The following RCBTB2 variants were observed in gnomAD, a reference collection of about 807,000 sequenced individuals.
RCBTB2 encodes the protein RCC1 and BTB domain containing protein 2, also known as RCC1 and BTB domain-containing protein 2.
Under a neutral mutation model 65.4 loss-of-function variants are expected in RCBTB2, and 55 were observed. That is an observed-to-expected ratio of 0.84 (90% CI 0.68 to 1.05). RCBTB2 has a LOEUF of 1.05. RCBTB2 is among the 50% of genes least tolerant of loss of function. The pLI is 0.00. For synonymous variants in RCBTB2, 220 were observed against 255.2 expected, an observed-to-expected ratio of 0.86 and a Z score of 1.31; for missense variants, 599 against 680.1, an observed-to-expected ratio of 0.88 and a Z score of 1.33.
In RCBTB2 at chr13:48,499,786, G is replaced by T. The variant is rs764787521; in HGVS notation, c.1245-26C>A. The T allele has an allele frequency of 3.7e-6, 6 of 1,613,616 alleles. No individual in the cohort carries two copies. In the South Asian group the frequency reaches 5.5e-5, roughly 15 times the overall value. On this transcript the variant is annotated intron_variant, in intron 12 of 14. Transcript: ENST00000344532. ...CTGAAGGAAAAAAGCAGTATGTCAG[G>T]TCCTAGCTTCCCAGCCAGGACAGAT...
At chr13:48,500,265 AAG>A (rs1950173397) in intron 12 of RCBTB2, among the ~76,000 whole-genome samples, 1 of 152,218 alleles carries the variant, frequency 6.6e-6, no homozygotes. Context: ...TCTTTATAAA[AAG>A]GGGAAATTTG....
rs746580633 is a variant in RCBTB2 at position 48,511,836 on chromosome 13, G to A, written c.717C>T (p.Leu239=). 1.7e-5 allele frequency: 27 copies of A among 1,614,042 alleles called. No homozygotes were observed. Among genetic ancestry groups the A allele is most frequent in the Middle Eastern group, 1.6e-4 (1 of 6,082 alleles). The change falls in exon 9 of 15, where the codon CTC becomes CTT. Residue 239 remains leucine, a synonymous_variant. Coordinates refer to ENST00000344532, the MANE Select transcript of RCBTB2 (RefSeq NM_001268.4). The part of the protein sequence containing the change: ...WGYNGNGQLG[L]GNSGNQPTPC... ...GGGTTGGCTGGTTGCCACTGTTGCC[G>A]AGTCCAAGCTGCCCGTTTCCGTTGT...
chr13:48,526,366 T>C (rs1951733751), intron 1 of RCBTB2, among the ~76,000 whole-genome samples: 1 of 151,860 alleles, frequency 6.6e-6, no homozygotes. Flanking sequence ...GAAGACACCG[T>C]CTCTACAGAA....
In RCBTB2 at chr13:48,508,412, G is replaced by GTTTTTTTTTT. The variant is rs570095675; in HGVS notation, c.926+2207_926+2216dup. Among the ~76,000 whole-genome samples, 1,130 of 143,528 alleles carry GTTTTTTTTTT rather than the reference G, an allele frequency of 7.9e-3. 8 individuals carry two copies. The highest frequency in any genetic ancestry group is 0.028 in the African/African-American group (1,097 of 39,062). The allele number at this position is 143,528 out of a possible 152,430, so 94.2% of individuals were successfully genotyped here. ...CATCTCATTTAAAACATTCATCCAT[G>GTTTTTTTTTT]TTTTTTTTTTTTTTGAGACAGAGTC... On this transcript the variant is annotated intron_variant, in intron 10 of 14. Transcript: ENST00000344532.
chr13:48,526,733 T>G (rs1223614042), intron 1 of RCBTB2, among the ~76,000 whole-genome samples: 5 of 148,576 alleles, frequency 3.4e-5, no homozygotes, highest in Admixed American at 1.3e-4. Flanking sequence ...CTGGCCAACA[T>G]GGTGAAACCC....
Position 48,515,284 on chromosome 13 carries a change from C to T in RCBTB2, c.270G>A (p.Arg90=), listed in dbSNP as rs1164930123. The T allele has an allele frequency of 6.2e-7, 1 of 1,614,010 alleles. No homozygotes were observed. Among genetic ancestry groups the T allele is most frequent in the Non-Finnish European group, 8.5e-7 (1 of 1,180,004 alleles). Residue 90 remains arginine (R), a synonymous_variant, in exon 6 of 15, where the codon CGG becomes CGA. Transcript: ENST00000344532. ...TTTTGCCATTTAAAGAATCCAGTCT[C>T]CGAGGTTCAATGGTGCTCTGGACGT... ...LGDVQSTIEP[R]RLDSLNGKKI...
chr13:48,515,105 CA>C, intron 6 of RCBTB2, 99 bp downstream of exon 6: 1 of 1,106,186 alleles, frequency 9.0e-7, no homozygotes. Flanking sequence ...AAAACATAGT[CA>C]ATTTCACAGG....
Position 48,489,139 on chromosome 13 carries a change from A to G in RCBTB2, c.*972T>C, listed in dbSNP as rs192258598. 13 of 152,336 alleles carry G rather than the reference A, an allele frequency of 8.5e-5. No individual in the cohort carries two copies. Among genetic ancestry groups the G allele is most frequent in the African/African-American group, 3.1e-4 (13 of 41,572 alleles). 9.4% of individuals were successfully genotyped at this position (152,336 alleles called of 1,614,324 possible). A position where few individuals can be genotyped will look rare whatever the true frequency, so the allele number is the denominator to read the frequency against. On this transcript the variant is annotated 3_prime_UTR_variant, in exon 15 of 15. Transcript: ENST00000344532. ...GCAATTAGGTAATTTGTTTTGATCT[A>G]AAAAGTACAAATTTATCTCATTCTT...
intron 7 of RCBTB2, among the ~76,000 whole-genome samples, chr13:48,512,420 A>T (rs1158451763): frequency 1.3e-5 from 2 of 152,188 alleles, no homozygotes; most frequent in African/African-American, 4.8e-5. Context: ...AATGTAACAC[A>T]AAAGTATCTA....
chr13:48,514,301 G>A (rs1414680270), intron 6 of RCBTB2, among the ~76,000 whole-genome samples: 1 of 152,212 alleles, frequency 6.6e-6, no homozygotes, highest in Non-Finnish European at 1.5e-5. Flanking sequence ...TGGACAAAGG[G>A]ATGGTTCATG....
At chr13:48,517,924 C>T (rs1277251224) in intron 4 of RCBTB2, among the ~76,000 whole-genome samples, 1 of 152,038 alleles carries the variant, frequency 6.6e-6, no homozygotes, top group Admixed American at 6.5e-5. Flanking sequence ...CGTCCAATGA[C>T]TAGTCTCCTT....
chr13:48,528,263 A>G (rs773563239), intron 1 of RCBTB2, among the ~76,000 whole-genome samples: 1 of 152,162 alleles, frequency 6.6e-6, no homozygotes, highest in African/African-American at 2.4e-5. Context: ...AATGCTAATA[A>G]TTCTTCTTTA....
At chr13:48,527,416 T>C (rs1951867737) in intron 1 of RCBTB2, among the ~76,000 whole-genome samples, 1 of 147,650 alleles carries the variant, frequency 6.8e-6, no homozygotes, top group Non-Finnish European at 1.5e-5. Context: ...CTTTGTTCTT[T>C]GCAAAACAGT....
In RCBTB2 at chr13:48,522,388, T is replaced by G; in HGVS notation, c.-104A>C. ...ATCAATTCTCAGCTCCACAGAAGAA[T>G]ATATGATTTGCTAAGCTGGAAAAAA... is the stretch of plus-strand genomic sequence containing the variant. On this transcript the variant is annotated 5_prime_UTR_variant, in exon 3 of 15. Coordinates refer to ENST00000344532, the MANE Select transcript of RCBTB2 (RefSeq NM_001268.4). 1 of 1,433,078 alleles carries G rather than the reference T, an allele frequency of 7.0e-7. No individual in the cohort carries two copies. The highest frequency in any genetic ancestry group is 9.4e-7 in the Non-Finnish European group (1 of 1,058,788). The allele number at this position is 1,433,078 out of a possible 1,614,324, so 88.8% of individuals were successfully genotyped here. A position where few individuals can be genotyped will look rare whatever the true frequency, so the allele number is the denominator to read the frequency against.
At chr13:48,532,532 G>C in intron 1 of RCBTB2, 1 of 168,034 alleles carries the variant, frequency 6.0e-6, no homozygotes, top group Non-Finnish European at 1.3e-5. Context: ...TTAGGAGGGA[G>C]AAACTTCAGG....
At position 48,511,860 on chromosome 13, in the gene RCBTB2, G is replaced by C. The variant is rs1212074370; in HGVS notation, c.693C>G (p.Tyr231Ter). ...CGAGTCCAAGCTGCCCGTTTCCGTT[G>C]TAACCCCAGACATAGACCTGAGAGA... ...VDTGEVYVWGYNGNGQLGLGN... is the reference protein window; with the variant it reads ...VDTGEVYVWG Residue 231 changes from tyrosine (Y) to a stop codon, truncating the protein, a stop_gained, in exon 9 of 15, where the codon TAC (tyrosine) becomes TAG (stop). Transcript: ENST00000344532. LOFTEE classifies it high-confidence loss of function. The C allele has an allele frequency of 1.1e-5, 18 of 1,614,180 alleles. No homozygotes were observed. The highest frequency in any genetic ancestry group is 1.5e-5 in the Non-Finnish European group (18 of 1,180,024).
chr13:48,526,311 T>A (rs1951729879), intron 1 of RCBTB2, among the ~76,000 whole-genome samples: 1 of 152,086 alleles, frequency 6.6e-6, no homozygotes, highest in African/African-American at 2.4e-5. Flanking sequence ...ACTTTGAGGA[T>A]CGCTTGAGGC....
intron 10 of RCBTB2, among the ~76,000 whole-genome samples, chr13:48,506,837 C>T (rs534346492): frequency 3.3e-5 from 5 of 152,322 alleles, no homozygotes; most frequent in African/African-American, 1.2e-4. Context: ...AAGACTTCTA[C>T]ATTTTTTGGA....
chr13:48,519,548 C>T (rs1951303479), intron 4 of RCBTB2, among the ~76,000 whole-genome samples: 1 of 152,082 alleles, frequency 6.6e-6, no homozygotes, highest in Non-Finnish European at 1.5e-5. Flanking sequence ...GATTCCAATG[C>T]GTGTGTTTTC....
Sources: allele counts gnomAD v4.1 joint callset (sites outside exome capture counted in the v4.1 genomes callset), GRCh38; gene constraint gnomAD v4.1.1; transcripts MANE v1.5; gene names NCBI Gene and HGNC (gene_info 2026-07-23, HGNC 2026-07-21).